BIRC6: variants seen among roughly 807,000 people sequenced by gnomAD.
The protein encoded by BIRC6 is baculoviral IAP repeat containing 6, also known as dual E2 ubiquitin-conjugating enzyme/E3 ubiquitin-protein ligase BIRC6.
A neutral mutation model predicts 503.3 loss-of-function variants in BIRC6; 98 were observed. The ratio of observed to expected loss-of-function variants is 0.19; its 90% CI spans 0.17 to 0.23. The LOEUF (loss-of-function observed/expected upper bound fraction) is 0.23, where lower values mean the gene tolerates loss of function less well. Ranked by LOEUF, BIRC6 falls within the 10% of genes least tolerant of loss-of-function variation. The probability of loss-of-function intolerance (pLI) is 1.00; values close to 1 mark genes in which losing one functional copy is unlikely to be tolerated. For missense variants in BIRC6, 5,360 were observed against 5,806.0 expected (o/e 0.92, Z 2.50); for synonymous variants, 2,240 against 2,078.7 (o/e 1.08, Z -2.11).
intron 65 of BIRC6, among the ~76,000 whole-genome samples, chr2:32,568,520 T>C (rs551065883): frequency 8.9e-5 from 13 of 145,764 alleles, no homozygotes; most frequent in South Asian, 4.3e-4. Flanking sequence ...GAAAATAATA[T>C]AAATATTAAT....
At chr2:32,535,150 C>CAAAAAAAAAAAAAAAAA (rs1158856665) in intron 61 of BIRC6, among the ~76,000 whole-genome samples, 1 of 7,274 alleles carries the variant, frequency 1.4e-4, no homozygotes, top group Non-Finnish European at 2.8e-4. Context: ...CCCAAAAAAG[C>CAAAAAAAAAAAAAAAAA]AAAAAAAAAA....
Position 32,436,185 on chromosome 2 carries a change from G to T in BIRC6, c.3631+1G>T. 1 of 1,425,860 alleles carries T rather than the reference G, an allele frequency of 7.0e-7. No individual in the cohort carries two copies. The highest frequency in any genetic ancestry group is 1.4e-5 in the African/African-American group (1 of 70,694). The allele number at this position is 1,425,860 out of a possible 1,614,324, so 88.3% of individuals were successfully genotyped here. On this transcript the variant is annotated splice_donor_variant, in intron 15 of 73. Transcript: ENST00000421745. LOFTEE classifies it high-confidence loss of function. The stretch of plus-strand genomic sequence containing the variant: ...TTAACAAGCCCCAAACTTGTTAAAG[G>T]TGAAGTAATACATTTTACAAAAGCA...
rs548226958 is a variant in BIRC6, at chr2:32,599,495, G to A, written c.13831-244G>A. Among the ~76,000 whole-genome samples, 13 of 151,326 alleles carry A rather than the reference G, an allele frequency of 8.6e-5. No individual in the cohort carries two copies. The South Asian group carries it at 2.1e-3, about 24-fold the overall frequency. ...TCTACTAAAAATACAAAAATTAACC[G>A]GGCATGTTGGCAGGCACGTGTGTTC... is the stretch of plus-strand genomic sequence containing the variant. On this transcript the variant is annotated intron_variant, in intron 69 of 73. Transcript: ENST00000421745.
rs369164423 is a variant in BIRC6, at chr2:32,426,826, G to T, written c.2873-2320G>T. Among the ~76,000 whole-genome samples, 4 of 152,130 alleles carry T rather than the reference G, an allele frequency of 2.6e-5. No individual in the cohort carries two copies. In the East Asian group the frequency reaches 7.7e-4, roughly 29 times the overall value. ...TTTGTTACTTATCATAAGGCAGGTT[G>T]CTAGCATAAAGTTCTCTCAGTCTTT... On this transcript the variant is annotated intron_variant, in intron 10 of 73. Transcript: ENST00000421745.
chr2:32,379,938 A>G (rs2037381928), intron 2 of BIRC6, among the ~76,000 whole-genome samples: 1 of 152,020 alleles, frequency 6.6e-6, no homozygotes. Context: ...ACCATGTAGT[A>G]TTTCTACACT....
chr2:32,396,756 C>T (rs900164829), intron 6 of BIRC6, among the ~76,000 whole-genome samples: 34 of 152,058 alleles, frequency 2.2e-4, no homozygotes, highest in African/African-American at 6.8e-4. Flanking sequence ...TGGAGTCTTG[C>T]TCTGTTGCCC....
At chr2:32,602,906 A>T in intron 70 of BIRC6, 100 bp from the exon 71 acceptor site, 1 of 932,520 alleles carries the variant, frequency 1.1e-6, no homozygotes, top group African/African-American at 1.7e-5. Context: ...TAAAACTGAG[A>T]TATTTTGACA....
intron 46 of BIRC6, among the ~76,000 whole-genome samples, chr2:32,500,907 T>A (rs2053111235): frequency 6.8e-6 from 1 of 147,420 alleles, no homozygotes; most frequent in Non-Finnish European, 1.5e-5. Context: ...GCCCTGCCAA[T>A]TTTTTTTTTT....
chr2:32,561,194 T>G (rs897356336), intron 65 of BIRC6, among the ~76,000 whole-genome samples: 10 of 147,290 alleles, frequency 6.8e-5, no homozygotes, highest in African/African-American at 2.5e-4. Flanking sequence ...TGAGACTACA[T>G]CTCAAAAAAA....
In BIRC6 at chr2:32,617,973, T is replaced by TAG; in HGVS notation, c.*69_*70insAG. On this transcript the variant is annotated 3_prime_UTR_variant, in exon 74 of 74. Coordinates refer to ENST00000421745, the MANE Select transcript of BIRC6 (RefSeq NM_016252.4). ...CAAGCCAAATATGTCAATATTTGTA[T>TAG]GTAAGAAACTAATTATGTAATAGGT... 1 of 1,420,006 alleles carries TAG rather than the reference T, an allele frequency of 7.0e-7. No homozygotes were observed. Among genetic ancestry groups the TAG allele is most frequent in the Non-Finnish European group, 9.6e-7 (1 of 1,045,612 alleles). 88.0% of individuals were successfully genotyped at this position (1,420,006 alleles called of 1,614,324 possible).
intron 32 of BIRC6, 97 bp downstream of exon 32, chr2:32,471,221 A>T: frequency 6.8e-7 from 1 of 1,469,634 alleles, no homozygotes; most frequent in East Asian, 2.6e-5. Context: ...AGAACTGGCT[A>T]TTGGCCTGGA....
Position 32,491,497 on chromosome 2 carries a change from A to T in BIRC6, c.8279A>T (p.His2760Leu). 1 of 1,613,520 alleles carries T rather than the reference A, an allele frequency of 6.2e-7. No individual in the cohort carries two copies. Among genetic ancestry groups the T allele is most frequent in the Non-Finnish European group, 8.5e-7 (1 of 1,179,534 alleles). Residue 2760 changes from histidine (H) to leucine (L), a missense_variant, in exon 44 of 74, where the codon CAT becomes CTT. Physicochemically the swap from His to Leu is moderately conservative, Grantham distance 99. This residue lies in a region of BIRC6 where 2,299 missense variants were observed against 2,267.2 expected (regional missense o/e 1.01). Coordinates refer to ENST00000421745, the MANE Select transcript of BIRC6 (RefSeq NM_016252.4). ...HLLVSDPNLI[H>L]VLVKFLSGTS... ...TTGGTTTCAGATCCAAACCTAATTCATGTATTAGTGAAATTTCTTTCTGGC... is the reference window on the plus strand; with the variant it reads ...TTGGTTTCAGATCCAAACCTAATTCTTGTATTAGTGAAATTTCTTTCTGGC...
intron 60 of BIRC6, 112 bp from the exon 61 acceptor site, chr2:32,531,243 G>A (rs1272091754): frequency 5.9e-6 from 5 of 845,484 alleles, no homozygotes; most frequent in Non-Finnish European, 8.9e-6. Context: ...ATGATGTTTT[G>A]TGCTCTTTTT....
At chr2:32,449,343 C>G (rs1276035158) in intron 22 of BIRC6, among the ~76,000 whole-genome samples, 1 of 152,102 alleles carries the variant, frequency 6.6e-6, no homozygotes, top group Non-Finnish European at 1.5e-5. Flanking sequence ...TAAGGATGCA[C>G]AAACAAAAGA....
intron 1 of BIRC6, among the ~76,000 whole-genome samples, chr2:32,360,475 T>C (rs542136464): frequency 1.4e-4 from 22 of 152,342 alleles, no homozygotes; most frequent in African/African-American, 5.1e-4. Context: ...TGGCTTTTAC[T>C]AGTCTCTCTA....
At chr2:32,414,639 C>A (rs1227532902) in intron 9 of BIRC6, 130 bp from the exon 10 acceptor site, 24 of 711,756 alleles carry the variant, frequency 3.4e-5, no homozygotes, top group Non-Finnish European at 4.7e-5. Flanking sequence ...TGCACTCTAG[C>A]CTGTGTGACA....
At chr2:32,480,656 T>G (rs2050295669) in intron 37 of BIRC6, among the ~76,000 whole-genome samples, 1 of 87,346 alleles carries the variant, frequency 1.1e-5, no homozygotes, top group Admixed American at 1.4e-4. Flanking sequence ...TTTTTTTTTT[T>G]TTGAGACGGA....
intron 39 of BIRC6, among the ~76,000 whole-genome samples, chr2:32,484,309 T>A (rs370086911): frequency 1.2e-4 from 18 of 152,254 alleles, no homozygotes; most frequent in African/African-American, 4.1e-4. Context: ...TCCCAGCACT[T>A]GGGAGGCCGA....
At position 32,575,360 on chromosome 2, in the gene BIRC6, G is replaced by A. The variant is rs750944581; in HGVS notation, c.13349G>A (p.Arg4450His). 6.8e-6 allele frequency: 11 copies of A among 1,612,988 alleles called. No individual in the cohort carries two copies. The highest frequency in any genetic ancestry group is 8.5e-6 in the Non-Finnish European group (10 of 1,179,070). ...ACCTGTGTTGATACCTATACCAACC[G>A]TTTAAGGTACTATATACAATGTTCA... The part of the protein sequence containing the change: ...MKTCVDTYTN[R>H]LRSKRENVKT... The change falls in exon 66 of 74, where the codon CGT (arginine) becomes CAT (histidine). Residue 4450 changes from arginine (R) to histidine (H), a missense_variant. Physicochemically the swap from Arg to His is conservative, Grantham distance 29. This residue lies in a region of BIRC6 where 477 missense variants were observed against 574.4 expected (regional missense o/e 0.83). Coordinates refer to ENST00000421745, the MANE Select transcript of BIRC6 (RefSeq NM_016252.4).
Sources: gnomAD v4.1 joint callset for allele counts (sites outside exome capture counted in the v4.1 genomes callset) on GRCh38, gnomAD v4.1.1 for gene constraint, gnomAD v4.1.1 regional missense constraint, MANE v1.5 for transcripts, NCBI Gene and HGNC (gene_info 2026-07-23, HGNC 2026-07-21) for gene names.